Variants in CACNA2D3 observed in about 807,000 individuals in gnomAD.
CACNA2D3 encodes the protein voltage-dependent calcium channel subunit alpha-2/delta-3.
CACNA2D3 carries 60 observed loss-of-function variants against 160.6 expected under a neutral mutation model. The ratio of observed to expected loss-of-function variants is 0.37; its 90% CI spans 0.30 to 0.46. CACNA2D3 has a LOEUF of 0.46. CACNA2D3 is among the 20% of genes least tolerant of loss of function. The pLI is 1.00. For missense variants in CACNA2D3, 1,205 were observed against 1,365.0 expected, an observed-to-expected ratio of 0.88 and a Z score of 1.85; for synonymous variants, 558 against 492.9, an observed-to-expected ratio of 1.13 and a Z score of -1.75.
intron 11 of CACNA2D3, among the ~76,000 whole-genome samples, chr3:54,712,629 T>G (rs754227310): frequency 6.6e-6 from 1 of 152,236 alleles, no homozygotes; most frequent in Non-Finnish European, 1.5e-5. Context: ...CTATTAAACC[T>G]CTTTATTTTG....
intron 12 of CACNA2D3, among the ~76,000 whole-genome samples, chr3:54,760,469 C>G (rs1048078397): frequency 1.3e-5 from 2 of 151,996 alleles, no homozygotes; most frequent in African/African-American, 4.8e-5. Flanking sequence ...TCTTGGAGGT[C>G]AGGGTAAGAC....
At chr3:54,739,751 A>ATGTGTGTGTCTG (rs1701607582) in intron 11 of CACNA2D3, among the ~76,000 whole-genome samples, 3 of 145,848 alleles carry the variant, frequency 2.1e-5, no homozygotes, top group Admixed American at 6.9e-5. Flanking sequence ...CTCCTCATAT[A>ATGTGTGTGTCTG]TGTGTGTGTG....
chr3:55,008,116 T>C (rs963450110), intron 33 of CACNA2D3, among the ~76,000 whole-genome samples: 1 of 152,232 alleles, frequency 6.6e-6, no homozygotes, highest in Non-Finnish European at 1.5e-5. Context: ...TACTGCTCAA[T>C]TTCACATGGA....
At chr3:54,193,066 G>A (rs944851545) in intron 2 of CACNA2D3, among the ~76,000 whole-genome samples, 1 of 152,212 alleles carries the variant, frequency 6.6e-6, no homozygotes, top group Non-Finnish European at 1.5e-5. Context: ...TCTGCTAAAT[G>A]ATTCACATTT....
chr3:54,146,945 G>A (rs781379056), intron 2 of CACNA2D3, among the ~76,000 whole-genome samples: 25 of 152,336 alleles, frequency 1.6e-4, no homozygotes, highest in African/African-American at 5.1e-4. Context: ...CCAAGGCTGC[G>A]GCTGAAGGCC....
intron 6 of CACNA2D3, among the ~76,000 whole-genome samples, chr3:54,566,638 A>G (rs543039457): frequency 6.6e-6 from 1 of 152,340 alleles, no homozygotes; most frequent in East Asian, 1.9e-4. Context: ...CAAACACAGG[A>G]CATCAGTTAG....
chr3:54,912,023 C>T (rs575242967), intron 27 of CACNA2D3, among the ~76,000 whole-genome samples: 16 of 152,250 alleles, frequency 1.1e-4, no homozygotes, highest in Admixed American at 4.6e-4. Flanking sequence ...TTGAGGGTTG[C>T]GGACTCATCT....
chr3:54,188,992 A>G (rs982928173), intron 2 of CACNA2D3, among the ~76,000 whole-genome samples: 1 of 152,172 alleles, frequency 6.6e-6, no homozygotes, highest in Non-Finnish European at 1.5e-5. Flanking sequence ...CACTCCTGCA[A>G]TACATCCAGC....
At position 54,823,833 on chromosome 3, in the gene CACNA2D3, G is replaced by T. The variant is rs561449659; in HGVS notation, c.1398+6963G>T. On this transcript the variant is annotated intron_variant, in intron 14 of 37. Coordinates refer to ENST00000474759, the MANE Select transcript of CACNA2D3 (RefSeq NM_018398.3). ...TAGTGGCTATTTCCTAGTGGTAGGA[G>T]AACAAATATGTATTTTGTTTTCTTA... Among the ~76,000 whole-genome samples the T allele has an allele frequency of 3.3e-5, 5 of 152,228 alleles. No individual in the cohort carries two copies. The East Asian group carries it at 9.6e-4, about 29-fold the overall frequency.
intron 4 of CACNA2D3, among the ~76,000 whole-genome samples, chr3:54,418,278 A>G (rs73087498): frequency 0.014 from 2,163 of 152,334 alleles, 31 homozygotes; most frequent in Non-Finnish European, 0.024. Context: ...GAATGTATTC[A>G]TAATCTATCC....
intron 2 of CACNA2D3, among the ~76,000 whole-genome samples, chr3:54,221,154 A>G (rs1701561828): frequency 6.6e-6 from 1 of 152,212 alleles, no homozygotes; most frequent in African/African-American, 2.4e-5. Flanking sequence ...TGCTGTAGAT[A>G]TTAGCACCCA....
intron 13 of CACNA2D3, among the ~76,000 whole-genome samples, chr3:54,770,192 G>A (rs545135087): frequency 1.3e-5 from 2 of 152,236 alleles, no homozygotes; most frequent in South Asian, 2.1e-4. Flanking sequence ...AGAGAATGAT[G>A]TCTTCTGTTT....
chr3:54,458,855 C>A (rs1559486523), intron 4 of CACNA2D3, among the ~76,000 whole-genome samples: 1 of 151,772 alleles, frequency 6.6e-6, no homozygotes, highest in Non-Finnish European at 1.5e-5. Context: ...ATGTGCCATG[C>A]TGGTGTGCTG....
At chr3:54,689,505 G>A (rs550429735) in intron 11 of CACNA2D3, among the ~76,000 whole-genome samples, 1 of 152,072 alleles carries the variant, frequency 6.6e-6, no homozygotes, top group East Asian at 1.9e-4. Context: ...GATGTCTAAT[G>A]GGCATCTCAG....
intron 2 of CACNA2D3, among the ~76,000 whole-genome samples, chr3:54,283,891 C>T (rs577179922): frequency 1.7e-4 from 26 of 151,972 alleles, no homozygotes; most frequent in African/African-American, 4.4e-4. Flanking sequence ...GGTGAAACCC[C>T]GTCTCTACTA....
chr3:54,365,866 T>A (rs1274051679), intron 3 of CACNA2D3, among the ~76,000 whole-genome samples: 1 of 151,918 alleles, frequency 6.6e-6, no homozygotes, highest in Non-Finnish European at 1.5e-5. Context: ...CATCTCAAAA[T>A]AAATAAAATA....
chr3:54,735,997 ATATATATATG>A (rs1459195664), intron 11 of CACNA2D3, among the ~76,000 whole-genome samples: 8 of 63,530 alleles, frequency 1.3e-4, no homozygotes, highest in Non-Finnish European at 2.8e-4. Context: ...ATATATACAT[ATATATATATG>A]TATATATATA....
intron 31 of CACNA2D3, among the ~76,000 whole-genome samples, chr3:54,991,388 A>G (rs1396752677): frequency 6.6e-6 from 1 of 151,896 alleles, no homozygotes; most frequent in Non-Finnish European, 1.5e-5. Flanking sequence ...ATGCCCAGCT[A>G]ATTTTTGTAT....
intron 13 of CACNA2D3, among the ~76,000 whole-genome samples, chr3:54,802,874 C>T (rs140493424): frequency 9.9e-5 from 15 of 152,266 alleles, no homozygotes; most frequent in African/African-American, 2.6e-4. Context: ...TCCAGAGGAA[C>T]GATCAGACAG....
Sources: gnomAD v4.1 joint callset for allele counts (sites outside exome capture counted in the v4.1 genomes callset) on GRCh38, gnomAD v4.1.1 for gene constraint, MANE v1.5 for transcripts, NCBI Gene and HGNC (gene_info 2026-07-23, HGNC 2026-07-21) for gene names.